KLF8: variants seen among roughly 807,000 people sequenced by gnomAD.
KLF8 encodes the protein Krueppel-like factor 8.
A neutral mutation model predicts 18.2 loss-of-function variants in KLF8; 10 were observed. The ratio of observed to expected loss-of-function variants is 0.55; its 90% confidence interval spans 0.34 to 0.93. KLF8 has a LOEUF of 0.93. Among genes scored for constraint, KLF8 ranks in the 40% least tolerant of loss-of-function variants. The pLI is 0.02. For synonymous variants in KLF8, 109 were observed against 97.3 expected (o/e 1.12, Z -0.71); for missense variants, 264 against 277.9 (o/e 0.95, Z 0.36).
At chrX:55,981,172 G>C in the KLF8 span, among the ~76,000 whole-genome samples, 11 of 112,249 alleles carry the variant, frequency 9.8e-5, no homozygotes, top group Middle Eastern at 0.014. Flanking sequence ...TAGCCTAGGC[G>C]ACAGAGCAAG....
chrX:55,989,713 C>G, the KLF8 span, among the ~76,000 whole-genome samples: 1 of 111,810 alleles, frequency 8.9e-6, no homozygotes, highest in Non-Finnish European at 1.9e-5. Context: ...TAATTCTGGC[C>G]TCATCAAATG....
the KLF8 span, among the ~76,000 whole-genome samples, chrX:55,923,939 C>CTT: frequency 9.0e-6 from 1 of 111,331 alleles, no homozygotes; most frequent in East Asian, 2.8e-4. Context: ...CACTTATACT[C>CTT]TAACACTCTT....
intron 1 of KLF8, among the ~76,000 whole-genome samples, chrX:56,240,142 A>G (rs1602410482): frequency 8.9e-6 from 1 of 112,352 alleles, no homozygotes; most frequent in African/African-American, 3.2e-5. Context: ...ATAATAACAT[A>G]CTTATTCCTT....
the KLF8 span, among the ~76,000 whole-genome samples, chrX:56,021,067 A>G: frequency 8.9e-6 from 1 of 112,675 alleles, no homozygotes; most frequent in Non-Finnish European, 1.9e-5. Flanking sequence ...TGCACAGCTC[A>G]GCAAGTTTTC....
the KLF8 span, among the ~76,000 whole-genome samples, chrX:56,171,079 A>G: frequency 8.9e-6 from 1 of 112,074 alleles, no homozygotes; most frequent in African/African-American, 3.2e-5. Flanking sequence ...ATCTGAAGGT[A>G]CAAAACTCAC....
chrX:56,044,871 G>T, the KLF8 span, among the ~76,000 whole-genome samples: 1 of 112,464 alleles, frequency 8.9e-6, no homozygotes, highest in African/African-American at 3.2e-5. Context: ...CTAAAGTTAT[G>T]TATGGACAGA....
At chrX:56,160,281 C>T in the KLF8 span, among the ~76,000 whole-genome samples, 1 of 111,833 alleles carries the variant, frequency 8.9e-6, no homozygotes, top group Non-Finnish European at 1.9e-5. Context: ...TGTTCTTTTA[C>T]ATTTGCTAAG....
the KLF8 span, among the ~76,000 whole-genome samples, chrX:55,915,376 A>G: frequency 1.8e-5 from 2 of 111,937 alleles, 1 homozygote; most frequent in Admixed American, 1.9e-4. Flanking sequence ...CTAACTAGTC[A>G]GTAAGACCAA....
the KLF8 span, among the ~76,000 whole-genome samples, chrX:56,018,003 A>G: frequency 1.8e-5 from 2 of 112,154 alleles, no homozygotes; most frequent in Non-Finnish European, 3.8e-5. Flanking sequence ...TGGGATATCC[A>G]TCATCTCAAG....
At chrX:56,243,782 C>T (rs2066585456) in intron 1 of KLF8, among the ~76,000 whole-genome samples, 1 of 109,831 alleles carries the variant, frequency 9.1e-6, no homozygotes, top group South Asian at 4.0e-4. Flanking sequence ...GATCCACCTG[C>T]CACGGCCTCC....
At chrX:55,922,468 A>G in the KLF8 span, among the ~76,000 whole-genome samples, 1 of 112,384 alleles carries the variant, frequency 8.9e-6, no homozygotes, top group South Asian at 3.7e-4. Context: ...TCAGGGGGAC[A>G]GCAGGGGGAG....
the KLF8 span, among the ~76,000 whole-genome samples, chrX:56,143,722 G>T: frequency 9.0e-6 from 1 of 111,604 alleles, no homozygotes; most frequent in East Asian, 2.8e-4. Context: ...GTCATGAATG[G>T]GTGTTATGTA....
chrX:55,948,061 A>G, the KLF8 span, among the ~76,000 whole-genome samples: 9,563 of 111,792 alleles, frequency 0.086, 1,003 homozygotes, highest in African/African-American at 0.3. Context: ...GAAGTTGGGA[A>G]GTATAGCTCA....
the KLF8 span, among the ~76,000 whole-genome samples, chrX:56,056,281 T>C: frequency 9.0e-6 from 1 of 110,583 alleles, no homozygotes; most frequent in South Asian, 3.9e-4. Context: ...TATGGTTTGA[T>C]TGTGGTATGA....
chrX:56,206,468 T>C, the KLF8 span, among the ~76,000 whole-genome samples: 11 of 111,518 alleles, frequency 9.9e-5, no homozygotes, highest in African/African-American at 2.9e-4. Context: ...ATGGGAGAAA[T>C]TTGCCAAAAC....
chrX:56,079,051 T>C, the KLF8 span, among the ~76,000 whole-genome samples: 1 of 111,535 alleles, frequency 9.0e-6, no homozygotes, highest in African/African-American at 3.3e-5. Context: ...TTATTAGTCT[T>C]GCTAGCGGTC....
chrX:56,024,832 C>G, the KLF8 span, among the ~76,000 whole-genome samples: 3 of 112,065 alleles, frequency 2.7e-5, no homozygotes, highest in African/African-American at 9.8e-5. Flanking sequence ...TGCCTGGCAC[C>G]GGGCTGCCTG....
the KLF8 span, among the ~76,000 whole-genome samples, chrX:56,202,559 T>TCCCCCCCCCCCC: frequency 1.2e-4 from 9 of 75,800 alleles, no homozygotes; most frequent in Non-Finnish European, 1.8e-4. Flanking sequence ...CCATTAACCT[T>TCCCCCCCCCCCC]CCCCCCCCCT....
the KLF8 span, among the ~76,000 whole-genome samples, chrX:56,169,279 T>C: frequency 9.0e-6 from 1 of 111,509 alleles, no homozygotes; most frequent in African/African-American, 3.3e-5. Context: ...CCGCGGTGGC[T>C]ACAGGAAGAC....
Sources: gnomAD v4.1 joint callset for allele counts (sites outside exome capture counted in the v4.1 genomes callset) on GRCh38, gnomAD v4.1.1 for gene constraint, MANE v1.5 for transcripts, NCBI Gene and HGNC (gene_info 2026-07-23, HGNC 2026-07-21) for gene names.